The following DEPTOR variants were observed in gnomAD, a reference collection of about 807,000 sequenced individuals.
The protein encoded by DEPTOR is DEP domain containing MTOR interacting protein, also known as DEP domain-containing mTOR-interacting protein.
DEPTOR carries 41 observed loss-of-function variants against 41.6 expected under a neutral mutation model. The ratio of observed to expected loss-of-function variants is 0.98; its 90% confidence interval spans 0.77 to 1.28. The LOEUF is 1.28. Ranked by LOEUF, DEPTOR falls within the 50% of genes most tolerant of loss-of-function variation. The probability of loss-of-function intolerance (pLI) is 0.00; values close to 1 mark genes in which losing one functional copy is unlikely to be tolerated. For synonymous variants in DEPTOR, 195 were observed against 192.3 expected (o/e 1.01, Z -0.12); for missense variants, 514 against 527.9 (o/e 0.97, Z 0.26).
intron 8 of DEPTOR, among the ~76,000 whole-genome samples, chr8:120,015,732 G>C (rs1164350547): frequency 5.3e-5 from 8 of 152,164 alleles, no homozygotes; most frequent in Non-Finnish European, 5.9e-5. Context: ...CGAAAGAGGA[G>C]ACCCCAGGTG....
rs1249028529 is a variant in DEPTOR at position 120,006,803 on chromosome 8, A to C, written c.926-2A>C. The C allele has an allele frequency of 3.7e-6, 6 of 1,613,844 alleles. No individual in the cohort carries two copies. The highest frequency in any genetic ancestry group is 5.1e-6 in the Non-Finnish European group (6 of 1,179,938). ...TGTCTTGACATTGTGTTTGTCTGCC[A>C]GTGCTGAAGAGACCTGTCACCTCTG... On this transcript the variant is annotated splice_acceptor_variant, in intron 6 of 8. Coordinates refer to ENST00000286234, the MANE Select transcript of DEPTOR (RefSeq NM_022783.4). LOFTEE classifies it high-confidence loss of function.
At chr8:119,963,357 GT>G (rs567583089) in intron 3 of DEPTOR, among the ~76,000 whole-genome samples, 10 of 146,052 alleles carry the variant, frequency 6.8e-5, no homozygotes, top group East Asian at 4.0e-4. Context: ...GTTTTGTTTT[GT>G]TTTTTTTTTT....
chr8:119,885,204 A>G (rs1827348610), intron 1 of DEPTOR, among the ~76,000 whole-genome samples: 2 of 152,028 alleles, frequency 1.3e-5, no homozygotes, highest in Non-Finnish European at 2.9e-5. Context: ...TAACTTTTCT[A>G]TATATGAAAG....
In DEPTOR at chr8:119,960,384, G is replaced by A. The variant is rs111512405; in HGVS notation, c.426-4848G>A. The stretch of plus-strand genomic sequence containing the variant: ...ATATGAGTTTGGGAGACAGTGAGAA[G>A]GTACATGACTAGTTTGTAGCAGAGC... On this transcript the variant is annotated intron_variant, in intron 3 of 8. Transcript: ENST00000286234. 3.4e-3 allele frequency among the ~76,000 whole-genome samples: 512 copies of A among 152,252 alleles called. 2 individuals are homozygous for A. The highest frequency in any genetic ancestry group is 0.012 in the African/African-American group (493 of 41,572).
chr8:119,896,428 G>A (rs975160423), intron 1 of DEPTOR, among the ~76,000 whole-genome samples: 14 of 152,150 alleles, frequency 9.2e-5, no homozygotes, highest in African/African-American at 3.1e-4. Flanking sequence ...GGTCAGAGGC[G>A]GAGATGCCCC....
intron 1 of DEPTOR, among the ~76,000 whole-genome samples, chr8:119,902,609 G>A (rs11988396): frequency 0.21 from 32,693 of 152,068 alleles, 4,020 homozygotes; most frequent in African/African-American, 0.32. Context: ...AAAGTGCTGG[G>A]ATTACAGGTG....
intron 3 of DEPTOR, among the ~76,000 whole-genome samples, chr8:119,941,780 T>C (rs1024066162): frequency 6.6e-6 from 1 of 152,196 alleles, no homozygotes; most frequent in Non-Finnish European, 1.5e-5. Flanking sequence ...TCTAGAGAGT[T>C]TAGCTAACTT....
In DEPTOR at chr8:119,965,417, G is replaced by A. The variant is rs201930850; in HGVS notation, c.604+7G>A. 1.9e-5 allele frequency: 30 copies of A among 1,609,764 alleles called. No homozygotes were observed. Among genetic ancestry groups the A allele is most frequent in the East Asian group, 6.7e-5 (3 of 44,800 alleles). ...CATGGCATCATCCAGCATGGTGAGC[G>A]TATTGGGCAGCTTTTGCTGCAGGAA... On this transcript the variant is annotated splice_region_variant and intron_variant, in intron 4 of 8. Coordinates refer to ENST00000286234, the MANE Select transcript of DEPTOR (RefSeq NM_022783.4).
chr8:119,938,000 C>T (rs544268006), intron 3 of DEPTOR, among the ~76,000 whole-genome samples: 44 of 152,300 alleles, frequency 2.9e-4, no homozygotes, highest in Non-Finnish European at 3.8e-4. Flanking sequence ...GAAATACTAC[C>T]TTTATCTCTT....
chr8:119,898,309 A>G (rs527767417), intron 1 of DEPTOR, among the ~76,000 whole-genome samples: 2 of 152,312 alleles, frequency 1.3e-5, no homozygotes, highest in East Asian at 3.9e-4. Flanking sequence ...TGCGGTTTCT[A>G]TACGGTTAAA....
intron 1 of DEPTOR, among the ~76,000 whole-genome samples, chr8:119,915,876 C>A (rs1586612782): frequency 7.3e-6 from 1 of 136,790 alleles, no homozygotes; most frequent in African/African-American, 2.7e-5. Context: ...AATCCTTTAA[C>A]AAAAGAGAAC....
Position 119,929,861 on chromosome 8 carries a change from C to T in DEPTOR, c.348C>T (p.Arg116=). 2 of 1,613,830 alleles carry T rather than the reference C, an allele frequency of 1.2e-6. No homozygotes were observed. The highest frequency in any genetic ancestry group is 1.7e-6 in the Non-Finnish European group (2 of 1,179,800). The change falls in exon 3 of 9, where the codon CGC becomes CGT. Residue 116 remains arginine, a synonymous_variant. Transcript: ENST00000286234. ...TCAAGGATGTCAAACTCTTCTACCGCTTTAGAAAGGATGACGGCACCTTCC... is the reference window on the plus strand; with the variant it reads ...TCAAGGATGTCAAACTCTTCTACCGTTTTAGAAAGGATGACGGCACCTTCC... ...KEFKDVKLFY[R]FRKDDGTFPL...
At chr8:119,932,618 A>G (rs1828059302) in intron 3 of DEPTOR, among the ~76,000 whole-genome samples, 1 of 152,190 alleles carries the variant, frequency 6.6e-6, no homozygotes, top group African/African-American at 2.4e-5. Flanking sequence ...AGGCACAGCT[A>G]AAGACACCAG....
chr8:119,895,971 T>C (rs1827515330), intron 1 of DEPTOR, among the ~76,000 whole-genome samples: 3 of 152,214 alleles, frequency 2.0e-5, no homozygotes, highest in Admixed American at 1.3e-4. Context: ...TTACTCTTTT[T>C]AATTGTTTAA....
intron 8 of DEPTOR, among the ~76,000 whole-genome samples, chr8:120,019,610 A>T (rs548793280): frequency 2.6e-5 from 4 of 152,234 alleles, no homozygotes; most frequent in Admixed American, 2.0e-4. Context: ...TTAACTAGGG[A>T]TATGTGTGGT....
intron 1 of DEPTOR, among the ~76,000 whole-genome samples, chr8:119,924,574 T>G (rs1231584789): frequency 6.6e-6 from 1 of 152,160 alleles, no homozygotes; most frequent in Non-Finnish European, 1.5e-5. Context: ...ATCTTTTCCC[T>G]TTATTCAAAA....
intron 3 of DEPTOR, among the ~76,000 whole-genome samples, chr8:119,948,397 G>A (rs1464162388): frequency 6.6e-6 from 1 of 152,040 alleles, no homozygotes; most frequent in African/African-American, 2.4e-5. Flanking sequence ...GGGTGGCAGA[G>A]TGAGACTCTG....
intron 8 of DEPTOR, among the ~76,000 whole-genome samples, chr8:120,019,491 C>T (rs922178363): frequency 6.6e-6 from 1 of 152,124 alleles, no homozygotes; most frequent in African/African-American, 2.4e-5. Flanking sequence ...GATCCTGTCA[C>T]GAGAAATTAG....
At chr8:120,011,083 A>G (rs1188378562) in intron 8 of DEPTOR, among the ~76,000 whole-genome samples, 1 of 152,214 alleles carries the variant, frequency 6.6e-6, no homozygotes, top group Non-Finnish European at 1.5e-5. Context: ...AGCAATAAGC[A>G]TGATTGGGAT....
Sources: gnomAD v4.1 joint callset for allele counts (sites outside exome capture counted in the v4.1 genomes callset) on GRCh38, gnomAD v4.1.1 for gene constraint, MANE v1.5 for transcripts, NCBI Gene and HGNC (gene_info 2026-07-23, HGNC 2026-07-21) for gene names.